MID2: variants seen among roughly 807,000 people sequenced by gnomAD.
The protein encoded by MID2 is midline 2.
In MID2, 13 loss-of-function variants were observed where a neutral mutation model predicts 46.1. The observed-to-expected ratio is 0.28, with a 90% confidence interval of 0.18 to 0.45. MID2 has a LOEUF of 0.45. Among genes scored for constraint, MID2 ranks in the 20% least tolerant of loss-of-function variants. The pLI is 1.00. For synonymous variants in MID2, 199 were observed against 212.3 expected, an observed-to-expected ratio of 0.94 and a Z score of 0.55; for missense variants, 431 against 575.4, an observed-to-expected ratio of 0.75 and a Z score of 2.57.
At chrX:107,876,513 A>G (rs1251272354) in intron 3 of MID2, among the ~76,000 whole-genome samples, 2 of 110,932 alleles carry the variant, frequency 1.8e-5, no homozygotes, top group African/African-American at 3.3e-5. Flanking sequence ...TTCTGGTCCT[A>G]CGTAAGCCCT....
At position 107,840,974 on chromosome X, in the gene MID2, T is replaced by C. The variant is rs756582387; in HGVS notation, c.309T>C (p.Ile103=). The C allele has an allele frequency of 8.3e-7, 1 of 1,211,576 alleles. No individual in the cohort carries two copies. Among genetic ancestry groups the C allele is most frequent in the African/African-American group, 1.7e-5 (1 of 57,706 alleles). The change falls in exon 2 of 10, where the codon ATT becomes ATC. Residue 103 remains isoleucine (I), a synonymous_variant. Transcript: ENST00000262843. The part of the protein sequence containing the change: ...LKRNVTLQNI[I]DRFQKASVSG... ...GGAATGTGACTCTGCAGAACATTAT[T>C]GATCGCTTCCAGAAGGCTTCAGTCA...
intron 3 of MID2, among the ~76,000 whole-genome samples, chrX:107,865,842 A>G (rs1225544672): frequency 8.9e-6 from 1 of 112,743 alleles, no homozygotes; most frequent in Non-Finnish European, 1.9e-5. Flanking sequence ...ATAGAACAAC[A>G]TAGTTCCATC....
intron 2 of MID2, among the ~76,000 whole-genome samples, chrX:107,849,545 A>G (rs1234429598): frequency 9.0e-6 from 1 of 111,690 alleles, no homozygotes; most frequent in Admixed American, 9.5e-5. Context: ...GCTGTCTGGA[A>G]GAAGAATAGC....
At chrX:107,833,421 A>AT (rs1931133663) in intron 1 of MID2, among the ~76,000 whole-genome samples, 2 of 101,968 alleles carry the variant, frequency 2.0e-5, no homozygotes, top group East Asian at 5.9e-4. Context: ...TTATATATAT[A>AT]TATATATATT....
At position 107,917,150 on chromosome X, in the gene MID2, T is replaced by C. The variant is rs1168776586; in HGVS notation, c.1202-356T>C. Among the ~76,000 whole-genome samples, 3 of 111,419 alleles carry C rather than the reference T, an allele frequency of 2.7e-5. No individual in the cohort carries two copies. In the Admixed American group the frequency reaches 2.9e-4, roughly 11 times the overall value. On this transcript the variant is annotated intron_variant, in intron 6 of 9. Coordinates refer to ENST00000262843, the MANE Select transcript of MID2 (RefSeq NM_012216.4). ...GAGCAAAAATCTGTCTATATATATA[T>C]ATACTCATTTTGAAATTTAAAAAAA...
At chrX:107,851,085 A>G (rs1023826578) in intron 2 of MID2, among the ~76,000 whole-genome samples, 1 of 112,176 alleles carries the variant, frequency 8.9e-6, no homozygotes. Flanking sequence ...CATTTGTGAT[A>G]CATGGAATTT....
At chrX:107,887,734 G>T (rs1035367698) in intron 3 of MID2, among the ~76,000 whole-genome samples, 4 of 111,840 alleles carry the variant, frequency 3.6e-5, no homozygotes, top group Non-Finnish European at 5.6e-5. Context: ...GTAGAATTCA[G>T]CTGTGAATCC....
At position 107,907,566 on chromosome X, in the gene MID2, A is replaced by G. The variant is rs150122493; in HGVS notation, c.1073+1940A>G. Among the ~76,000 whole-genome samples, 579 of 110,704 alleles carry G rather than the reference A, an allele frequency of 5.2e-3. 1 individual carries two copies. The highest frequency in any genetic ancestry group is 8.6e-3 in the Non-Finnish European group (452 of 52,853). On this transcript the variant is annotated intron_variant, in intron 5 of 9. Transcript: ENST00000262843. ...CCATAGCTTCAATTTATCCCTCTCT[A>G]TAGTTGACTTCACATCCATTTTTAA...
intron 3 of MID2, chrX:107,895,292 T>C (rs1932705360): frequency 9.0e-6 from 1 of 110,676 alleles, no homozygotes; most frequent in Non-Finnish European, 1.9e-5. Context: ...TAGGACATTA[T>C]TGTTTTATCA....
intron 1 of MID2, among the ~76,000 whole-genome samples, chrX:107,833,300 A>G (rs951805732): frequency 1.8e-5 from 2 of 110,977 alleles, no homozygotes; most frequent in African/African-American, 6.5e-5. Flanking sequence ...AGGAAACATC[A>G]GACTAGGCCA....
intron 3 of MID2, among the ~76,000 whole-genome samples, chrX:107,875,583 C>T (rs1932178755): frequency 9.0e-6 from 1 of 111,269 alleles, no homozygotes; most frequent in Admixed American, 9.5e-5. Flanking sequence ...TAATATCAGT[C>T]TTCACTAGGG....
At chrX:107,895,326 A>G (rs992630389) in intron 3 of MID2, 2 of 110,421 alleles carry the variant, frequency 1.8e-5, no homozygotes, top group Non-Finnish European at 3.8e-5. Flanking sequence ...CATTTGTGCT[A>G]CTTCTTTATA....
intron 3 of MID2, among the ~76,000 whole-genome samples, chrX:107,892,709 G>A (rs965894365): frequency 2.7e-5 from 3 of 111,498 alleles, no homozygotes; most frequent in East Asian, 2.8e-4. Flanking sequence ...TGCTGTCTTC[G>A]TCTTCTCTGC....
intron 3 of MID2, among the ~76,000 whole-genome samples, chrX:107,886,555 G>T (rs1209036898): frequency 8.9e-6 from 1 of 111,831 alleles, no homozygotes; most frequent in Admixed American, 9.5e-5. Context: ...GTCAGGTAGC[G>T]TGATGCTTCC....
intron 2 of MID2, among the ~76,000 whole-genome samples, chrX:107,846,861 T>C (rs774560833): frequency 5.3e-5 from 6 of 112,266 alleles, no homozygotes; most frequent in Non-Finnish European, 1.1e-4. Context: ...AACAATCGTT[T>C]GTTTGAGAAC....
chrX:107,897,690 T>C (rs890979300), intron 3 of MID2, among the ~76,000 whole-genome samples: 1 of 111,191 alleles, frequency 9.0e-6, no homozygotes, highest in African/African-American at 3.3e-5. Context: ...GTGATGTGTG[T>C]GTATGTGTGT....
At chrX:107,855,720 G>A (rs992236442) in intron 3 of MID2, among the ~76,000 whole-genome samples, 19 of 111,895 alleles carry the variant, frequency 1.7e-4, no homozygotes, top group African/African-American at 6.2e-4. Context: ...CTTATTATAT[G>A]AGTAACCTTC....
At chrX:107,903,486 A>G (rs1932811534) in intron 3 of MID2, among the ~76,000 whole-genome samples, 1 of 112,207 alleles carries the variant, frequency 8.9e-6, no homozygotes, top group Non-Finnish European at 1.9e-5. Context: ...ATATATGTTT[A>G]ATGATATATT....
intron 3 of MID2, among the ~76,000 whole-genome samples, chrX:107,887,218 G>A (rs1209104236): frequency 8.9e-6 from 1 of 111,856 alleles, no homozygotes; most frequent in Non-Finnish European, 1.9e-5. Context: ...CAAAGGGAAT[G>A]CTTCCAGTTT....
Sources: allele counts gnomAD v4.1 joint callset (sites outside exome capture counted in the v4.1 genomes callset), GRCh38; gene constraint gnomAD v4.1.1; transcripts MANE v1.5; gene names NCBI Gene and HGNC (gene_info 2026-07-23, HGNC 2026-07-21).